Variants in ATG3 observed in about 807,000 individuals in gnomAD.
ATG3 encodes ubiquitin-like-conjugating enzyme ATG3.
In ATG3, 25 loss-of-function variants were observed where a neutral mutation model predicts 50.7. That is an observed-to-expected ratio of 0.49 (90% CI 0.36 to 0.69). The LOEUF (loss-of-function observed/expected upper bound fraction) is 0.69, where lower values mean the gene tolerates loss of function less well. Ranked by LOEUF, ATG3 falls within the 30% of genes least tolerant of loss-of-function variation. ATG3 has a pLI of 0.00. For synonymous variants in ATG3, 119 were observed against 125.5 expected, an observed-to-expected ratio of 0.95 and a Z score of 0.34; for missense variants, 281 against 376.0, an observed-to-expected ratio of 0.75 and a Z score of 2.09.
intron 5 of ATG3, among the ~76,000 whole-genome samples, chr3:112,547,626 A>G (rs535784519): frequency 1.3e-5 from 2 of 152,344 alleles, no homozygotes; most frequent in African/African-American, 4.8e-5. Flanking sequence ...GACTTAGAAT[A>G]AAAAAGTATA....
chr3:112,551,605 T>C (rs1444583039), intron 3 of ATG3, among the ~76,000 whole-genome samples: 1 of 152,154 alleles, frequency 6.6e-6, no homozygotes, highest in Non-Finnish European at 1.5e-5. Flanking sequence ...ACAACAATGC[T>C]ATAAATCAAA....
At chr3:112,559,651 G>A (rs1353305037) in intron 1 of ATG3, among the ~76,000 whole-genome samples, 4 of 152,246 alleles carry the variant, frequency 2.6e-5, no homozygotes, top group Non-Finnish European at 5.9e-5. Flanking sequence ...AGGCTGTTAA[G>A]TGCGAAGCGC....
intron 5 of ATG3, among the ~76,000 whole-genome samples, chr3:112,545,685 G>A (rs752113726): frequency 2.6e-5 from 4 of 152,106 alleles, no homozygotes; most frequent in Non-Finnish European, 5.9e-5. Flanking sequence ...TCTTTAATTT[G>A]TCAAAATATA....
chr3:112,544,341 T>C (rs572903698), intron 5 of ATG3, among the ~76,000 whole-genome samples: 2 of 152,276 alleles, frequency 1.3e-5, no homozygotes, highest in East Asian at 3.9e-4. Context: ...TTTGAATCTC[T>C]ATCACAACAC....
chr3:112,558,439 A>C (rs1396267231), intron 1 of ATG3, 22 bp from the exon 2 acceptor site: 1 of 1,526,654 alleles, frequency 6.6e-7, no homozygotes, highest in Non-Finnish European at 9.1e-7. Flanking sequence ...AGAAAGAAAA[A>C]CAATATTATA....
chr3:112,533,797 C>G, intron 11 of ATG3: 1 of 985,486 alleles, frequency 1.0e-6, no homozygotes, highest in African/African-American at 1.7e-5. Context: ...AAAGGTGCTA[C>G]TGTCTTGAGA....
chr3:112,544,128 A>G (rs1408767213), intron 5 of ATG3, 22 bp from the exon 6 acceptor site: 2 of 1,572,398 alleles, frequency 1.3e-6, no homozygotes, highest in Non-Finnish European at 1.7e-6. Context: ...TCGGCAGAAA[A>G]GAATAACTAA....
intron 3 of ATG3, among the ~76,000 whole-genome samples, chr3:112,551,358 G>C (rs746654435): frequency 2.0e-5 from 3 of 152,162 alleles, no homozygotes; most frequent in African/African-American, 7.2e-5. Flanking sequence ...TTAAAATAAG[G>C]TCATGATAGC....
intron 7 of ATG3, among the ~76,000 whole-genome samples, chr3:112,539,401 C>T (rs1454004925): frequency 6.6e-6 from 1 of 152,156 alleles, no homozygotes; most frequent in African/African-American, 2.4e-5. Context: ...CAAACGTGTT[C>T]CCACCTCAGT....
rs1576713315 is a variant in ATG3, at chr3:112,536,515, G to A, written c.754C>T (p.His252Tyr). The A allele has an allele frequency of 1.2e-6, 2 of 1,614,018 alleles. No individual in the cohort carries two copies. The highest frequency in any genetic ancestry group is 1.7e-6 in the Non-Finnish European group (2 of 1,179,844). The change falls in exon 10 of 12, where the codon CAT (histidine) becomes TAT (tyrosine). Residue 252 changes from histidine to tyrosine, a missense_variant. Transcript: ENST00000283290. ...GAACACATGGGAGGTGGTGGCAGAT[G>A]AGGGTGATTTTCAATGGTCACTGTT... Reference protein sequence around the residue: ...KKTVTIENHPHLPPPPMCSVH... With the variant: ...KKTVTIENHPYLPPPPMCSVH...
intron 2 of ATG3, among the ~76,000 whole-genome samples, chr3:112,557,727 G>T (rs1933728981): frequency 6.6e-6 from 1 of 151,998 alleles, no homozygotes; most frequent in Non-Finnish European, 1.5e-5. Context: ...GACCTTAACA[G>T]CAGCAGCCTT....
At chr3:112,533,438 G>A (rs1480454830) in intron 11 of ATG3, 49 of 985,124 alleles carry the variant, frequency 5.0e-5, no homozygotes, top group Non-Finnish European at 5.4e-5. Flanking sequence ...GAGTAAATAT[G>A]GTTTGGACTG....
At chr3:112,536,310 A>C in intron 10 of ATG3, 165 bp downstream of exon 10, 1 of 758,946 alleles carries the variant, frequency 1.3e-6, no homozygotes, top group Non-Finnish European at 2.0e-6. Flanking sequence ...CCTTTTTCTT[A>C]TATATTTAAG....
At chr3:112,560,577 A>G (rs919313804) in intron 1 of ATG3, among the ~76,000 whole-genome samples, 2 of 152,148 alleles carry the variant, frequency 1.3e-5, no homozygotes, top group Non-Finnish European at 2.9e-5. Flanking sequence ...CTTAAAAACA[A>G]CTAGAAAAAA....
At position 112,561,549 on chromosome 3, in the gene ATG3, C is replaced by T; in HGVS notation, c.-21G>A. On this transcript the variant is annotated 5_prime_UTR_variant, in exon 1 of 12. Transcript: ENST00000283290. ...TGCATCCTGGGGCCGGAGTAGCGGC[C>T]GGCCCCGCGACGGGATGGAAAGTGC... is the stretch of plus-strand genomic sequence containing the variant. 1 of 1,583,706 alleles carries T rather than the reference C, an allele frequency of 6.3e-7. No homozygotes were observed. Among genetic ancestry groups the T allele is most frequent in the Non-Finnish European group, 8.6e-7 (1 of 1,164,722 alleles).
In ATG3 at chr3:112,550,281, G is replaced by T; in HGVS notation, c.165-19C>A. 6.3e-7 allele frequency: 1 copy of T among 1,586,928 alleles called. No individual in the cohort carries two copies. The highest frequency in any genetic ancestry group is 8.6e-7 in the Non-Finnish European group (1 of 1,159,024). ...TGTAGCCCTTTAAAAACAGTGAAAA[G>T]CACCAAAATACAAAACATATTTTAA... On this transcript the variant is annotated intron_variant, in intron 3 of 11. Transcript: ENST00000283290.
intron 5 of ATG3, among the ~76,000 whole-genome samples, chr3:112,548,043 G>A (rs1320091524): frequency 1.3e-5 from 2 of 152,112 alleles, no homozygotes; most frequent in African/African-American, 4.8e-5. Flanking sequence ...AATGGAAGTA[G>A]CAGGTATTAT....
At chr3:112,546,346 G>C (rs970517846) in intron 5 of ATG3, among the ~76,000 whole-genome samples, 1 of 152,192 alleles carries the variant, frequency 6.6e-6, no homozygotes, top group African/African-American at 2.4e-5. Context: ...GCTATTAAGT[G>C]ACTAATGGCT....
At chr3:112,556,391 G>A (rs554250810) in intron 2 of ATG3, among the ~76,000 whole-genome samples, 6 of 145,752 alleles carry the variant, frequency 4.1e-5, no homozygotes, top group South Asian at 2.2e-4. Flanking sequence ...CGCCCCATCC[G>A]GGAGGGAGGT....
Sources: gnomAD v4.1 joint callset for allele counts (sites outside exome capture counted in the v4.1 genomes callset) on GRCh38, gnomAD v4.1.1 for gene constraint, MANE v1.5 for transcripts, NCBI Gene and HGNC (gene_info 2026-07-23, HGNC 2026-07-21) for gene names.